The following DAB1 variants were observed in gnomAD, a reference collection of about 807,000 sequenced individuals.
The protein encoded by DAB1 is DAB adaptor protein 1.
Under a neutral mutation model 64.6 loss-of-function variants are expected in DAB1, and 15 were observed. The observed-to-expected ratio is 0.23, with a 90% CI of 0.16 to 0.36. The LOEUF (loss-of-function observed/expected upper bound fraction) is 0.36. DAB1 is among the 10% of genes least tolerant of loss of function. The probability of loss-of-function intolerance (pLI) is 1.00; values close to 1 mark genes in which losing one functional copy is unlikely to be tolerated. For missense variants in DAB1, 596 were observed against 706.7 expected (o/e 0.84, Z 1.78); for synonymous variants, 235 against 251.9 (o/e 0.93, Z 0.64).
chr1:58,359,294 ATTAC>A (rs1644141493), intron 3 of DAB1, among the ~76,000 whole-genome samples: 2 of 152,246 alleles, frequency 1.3e-5, no homozygotes, highest in Admixed American at 1.3e-4. Flanking sequence ...TTTGTCTAAA[ATTAC>A]TTTGTAAATC....
chr1:58,545,531 C>G (rs959247262), intron 1 of DAB1, among the ~76,000 whole-genome samples: 2 of 152,030 alleles, frequency 1.3e-5, no homozygotes, highest in Non-Finnish European at 2.9e-5. Flanking sequence ...TCAGGGCTGA[C>G]ATATTCTCTT....
At chr1:57,627,702 A>G (rs1323732812) in intron 7 of DAB1, among the ~76,000 whole-genome samples, 1 of 152,236 alleles carries the variant, frequency 6.6e-6, no homozygotes, top group Admixed American at 6.5e-5. Flanking sequence ...TATAATGACT[A>G]AGGGGCCTAA....
chr1:58,290,013 AT>A (rs1402262668), intron 4 of DAB1, among the ~76,000 whole-genome samples: 2 of 152,202 alleles, frequency 1.3e-5, no homozygotes, highest in Non-Finnish European at 2.9e-5. Context: ...AAAGAAACTC[AT>A]ATGTTTTAAG....
At chr1:58,161,637 G>T (rs143896330) in intron 4 of DAB1, among the ~76,000 whole-genome samples, 20 of 152,140 alleles carry the variant, frequency 1.3e-4, no homozygotes, top group African/African-American at 4.6e-4. Context: ...ATGTTTTAAA[G>T]ACATATATGT....
At chr1:57,586,048 C>T (rs1005794142) in intron 7 of DAB1, among the ~76,000 whole-genome samples, 3 of 152,072 alleles carry the variant, frequency 2.0e-5, no homozygotes, top group African/African-American at 4.8e-5. Context: ...TACGTTCTCA[C>T]ATCAGGAGGG....
At chr1:57,202,224 A>T (rs986995142) in intron 2 of DAB1, among the ~76,000 whole-genome samples, 1 of 152,206 alleles carries the variant, frequency 6.6e-6, no homozygotes, top group African/African-American at 2.4e-5. Flanking sequence ...GGCAATTGAG[A>T]GGCTATAGTT....
At chr1:57,348,024 G>A (rs560348933) in intron 1 of DAB1, among the ~76,000 whole-genome samples, 4 of 152,108 alleles carry the variant, frequency 2.6e-5, no homozygotes, top group Non-Finnish European at 5.9e-5. Flanking sequence ...TCCTTTCTAG[G>A]TGGAATAGTT....
In DAB1 at chr1:58,139,524, T is replaced by G. The variant is rs1463553436; in HGVS notation, n.387+10987A>C. 2.0e-5 allele frequency among the ~76,000 whole-genome samples: 3 copies of G among 152,140 alleles called. No homozygotes were observed. In the East Asian group the frequency reaches 5.8e-4, roughly 29 times the overall value. On this transcript the variant is annotated intron_variant and non_coding_transcript_variant, in intron 5 of 20. Transcript: ENST00000485760. ...ACCATCAGATCTTGTGAGAACTCAC[T>G]ATTATGAGAACAGCATGAGGGGTAA... is the stretch of plus-strand genomic sequence containing the variant.
intron 1 of DAB1, among the ~76,000 whole-genome samples, chr1:57,369,333 G>T: frequency 6.6e-6 from 1 of 152,196 alleles, no homozygotes; most frequent in East Asian, 1.9e-4. Context: ...TGATGCCCAC[G>T]TAGTATCAAG....
intron 1 of DAB1, among the ~76,000 whole-genome samples, chr1:57,418,725 A>G (rs1315550688): frequency 6.6e-6 from 1 of 152,134 alleles, no homozygotes; most frequent in Non-Finnish European, 1.5e-5. Flanking sequence ...GGCATTGCAG[A>G]TTGGTTATAT....
chr1:57,161,270 A>G (rs1311037316), intron 2 of DAB1, among the ~76,000 whole-genome samples: 1 of 152,136 alleles, frequency 6.6e-6, no homozygotes, highest in African/African-American at 2.4e-5. Context: ...AGATAATGTA[A>G]ACTAATACTG....
Position 57,747,700 on chromosome 1 carries a change from T to C in DAB1, n.552-98035A>G, listed in dbSNP as rs908183924. Among the ~76,000 whole-genome samples the C allele has an allele frequency of 2.0e-5, 3 of 149,452 alleles. No individual in the cohort carries two copies. The East Asian group carries it at 6.0e-4, about 30-fold the overall frequency. The stretch of plus-strand genomic sequence containing the variant: ...GGAAGGGGCCTGCAGTCCCAGTTAC[T>C]TGGGAGGGTGAGGCAGGAGAATGGC... On this transcript the variant is annotated intron_variant and non_coding_transcript_variant, in intron 6 of 20. Coordinates refer to the DAB1 transcript ENST00000485760.
At chr1:57,055,248 A>C (rs942830891) in intron 9 of DAB1, among the ~76,000 whole-genome samples, 5 of 152,220 alleles carry the variant, frequency 3.3e-5, no homozygotes, top group African/African-American at 9.6e-5. Flanking sequence ...GGGTAGGATT[A>C]ATCCTTATAT....
At chr1:58,462,167 C>T (rs554961760) in intron 3 of DAB1, among the ~76,000 whole-genome samples, 45 of 145,512 alleles carry the variant, frequency 3.1e-4, no homozygotes, top group African/African-American at 3.1e-4. Flanking sequence ...TCGCCCAGGC[C>T]GGACTGCGGA....
In DAB1 at chr1:58,322,459, C is replaced by G. The variant is rs141364896; in HGVS notation, n.309+20893G>C. On this transcript the variant is annotated intron_variant and non_coding_transcript_variant, in intron 4 of 20. Transcript: ENST00000485760. ...TGAACAGACACTTCTCAAAAGAAGA[C>G]ATCTGTGCAGCCAACAGACACATGA... is the stretch of plus-strand genomic sequence containing the variant. 2.0e-3 allele frequency among the ~76,000 whole-genome samples: 299 copies of G among 152,302 alleles called. 2 individuals carry two copies. Among genetic ancestry groups the G allele is most frequent in the African/African-American group, 6.9e-3 (287 of 41,568 alleles).
At chr1:57,467,075 C>A (rs1450812650) in intron 7 of DAB1, among the ~76,000 whole-genome samples, 1 of 152,088 alleles carries the variant, frequency 6.6e-6, no homozygotes, top group Non-Finnish European at 1.5e-5. Flanking sequence ...GGAAATTATA[C>A]AAAGGTAAGA....
chr1:58,004,422 C>T (rs1646550985), intron 5 of DAB1, among the ~76,000 whole-genome samples: 1 of 152,056 alleles, frequency 6.6e-6, no homozygotes, highest in Non-Finnish European at 1.5e-5. Flanking sequence ...AATCTTGAAC[C>T]TCAGTCCATG....
chr1:58,339,447 TTA>T (rs1430536372), intron 4 of DAB1, among the ~76,000 whole-genome samples: 1 of 152,142 alleles, frequency 6.6e-6, no homozygotes, highest in Non-Finnish European at 1.5e-5. Flanking sequence ...ATTTTTCATA[TTA>T]TGTTACAAGG....
chr1:57,755,759 A>G (rs1026124805), intron 6 of DAB1, among the ~76,000 whole-genome samples: 6 of 152,090 alleles, frequency 3.9e-5, no homozygotes, highest in East Asian at 1.9e-4. Context: ...AAGCCCAAAG[A>G]CTCTCTAAAT....
Sources: gnomAD v4.1 joint callset for allele counts (sites outside exome capture counted in the v4.1 genomes callset) on GRCh38, gnomAD v4.1.1 for gene constraint, MANE v1.5 for transcripts, NCBI Gene and HGNC (gene_info 2026-07-23, HGNC 2026-07-21) for gene names.